The following GRIK1 variants were observed in gnomAD, a reference collection of about 807,000 sequenced individuals.
The protein encoded by GRIK1 is glutamate ionotropic receptor kainate type subunit 1.
Under a neutral mutation model 105.7 loss-of-function variants are expected in GRIK1, and 69 were observed. The ratio of observed to expected loss-of-function variants is 0.65; its 90% CI spans 0.54 to 0.80. GRIK1 has a LOEUF of 0.80. Ranked by LOEUF, GRIK1 falls within the 30% of genes least tolerant of loss-of-function variation. GRIK1 has a pLI of 0.00. For synonymous variants in GRIK1, 438 were observed against 431.3 expected, an observed-to-expected ratio of 1.02 and a Z score of -0.19; for missense variants, 1,109 against 1,167.3, an observed-to-expected ratio of 0.95 and a Z score of 0.73.
intron 1 of GRIK1, among the ~76,000 whole-genome samples, chr21:29,820,940 C>A (rs2067284552): frequency 6.6e-6 from 1 of 151,760 alleles, no homozygotes; most frequent in African/African-American, 2.4e-5. Context: ...ACCATAATTC[C>A]TAAGCCCACA....
At chr21:29,694,491 C>T (rs181223176) in intron 1 of GRIK1, among the ~76,000 whole-genome samples, 1 of 152,206 alleles carries the variant, frequency 6.6e-6, no homozygotes, top group African/African-American at 2.4e-5. Flanking sequence ...TAGAGCAGAT[C>T]CTAAATCCCG....
chr21:29,838,438 A>G (rs1311494667), intron 1 of GRIK1, among the ~76,000 whole-genome samples: 1 of 152,176 alleles, frequency 6.6e-6, no homozygotes, highest in East Asian at 1.9e-4. Flanking sequence ...AAGGTGAAAC[A>G]GTTATTAGTA....
At chr21:29,603,122 A>G (rs1299941214) in intron 7 of GRIK1, among the ~76,000 whole-genome samples, 4 of 152,144 alleles carry the variant, frequency 2.6e-5, no homozygotes, top group Non-Finnish European at 5.9e-5. Context: ...TATGTTAAGA[A>G]ATCAGCTTAA....
chr21:29,598,967 T>C, intron 7 of GRIK1, 30 bp from the exon 8 acceptor site: 1 of 958,180 alleles, frequency 1.0e-6, no homozygotes, highest in Non-Finnish European at 1.6e-6. Flanking sequence ...TGGCTGTTAT[T>C]GTTAAACATT....
At chr21:29,696,681 C>G (rs1294500048) in intron 1 of GRIK1, among the ~76,000 whole-genome samples, 1 of 152,136 alleles carries the variant, frequency 6.6e-6, no homozygotes, top group Non-Finnish European at 1.5e-5. Flanking sequence ...AGGGAGAGCC[C>G]GCATGTAGAG....
chr21:29,758,188 C>G (rs1302755467), intron 1 of GRIK1, among the ~76,000 whole-genome samples: 1 of 152,152 alleles, frequency 6.6e-6, no homozygotes, highest in African/African-American at 2.4e-5. Context: ...AAGAGGAAAA[C>G]AAACTAAGAT....
intron 14 of GRIK1, among the ~76,000 whole-genome samples, chr21:29,568,283 A>G (rs1601139486): frequency 6.6e-6 from 1 of 152,330 alleles, no homozygotes; most frequent in South Asian, 2.1e-4. Context: ...GTGCCTTCCT[A>G]TGCAGAGTAT....
At chr21:29,540,764 T>C (rs998782870) in intron 16 of GRIK1, among the ~76,000 whole-genome samples, 2 of 152,170 alleles carry the variant, frequency 1.3e-5, no homozygotes, top group Non-Finnish European at 2.9e-5. Flanking sequence ...TTTAAATTCC[T>C]AAATCCTACT....
intron 1 of GRIK1, among the ~76,000 whole-genome samples, chr21:29,718,515 G>A (rs78637769): frequency 0.038 from 5,822 of 152,288 alleles, 252 homozygotes; most frequent in East Asian, 0.1. Context: ...TTATGACATT[G>A]TTAATAATGG....
At chr21:29,560,278 G>GTTTT (rs200019884) in intron 15 of GRIK1, among the ~76,000 whole-genome samples, 1 of 124,500 alleles carries the variant, frequency 8.0e-6, no homozygotes, top group Non-Finnish European at 1.8e-5. Context: ...ATATGATACA[G>GTTTT]TTTTCTTTCT....
intron 1 of GRIK1, among the ~76,000 whole-genome samples, chr21:29,753,989 C>T (rs1601605698): frequency 1.3e-5 from 2 of 152,170 alleles, no homozygotes; most frequent in Non-Finnish European, 2.9e-5. Flanking sequence ...GGAGAAAAAT[C>T]CTTCAAAGTT....
At chr21:29,565,027 G>A (rs1049434428) in intron 14 of GRIK1, among the ~76,000 whole-genome samples, 16 of 152,264 alleles carry the variant, frequency 1.1e-4, no homozygotes, top group African/African-American at 3.6e-4. Context: ...ACCTCTCCCA[G>A]GGAGCTACAG....
chr21:29,732,937 C>T (rs780842300), intron 1 of GRIK1, among the ~76,000 whole-genome samples: 6 of 152,056 alleles, frequency 3.9e-5, no homozygotes, highest in Non-Finnish European at 8.8e-5. Flanking sequence ...AAAAATGCCA[C>T]GGAAAATGGT....
intron 1 of GRIK1, among the ~76,000 whole-genome samples, chr21:29,830,843 A>G (rs895833671): frequency 3.3e-5 from 5 of 152,162 alleles, no homozygotes; most frequent in Non-Finnish European, 7.3e-5. Context: ...AGAGATTCCA[A>G]TAAAGATGAA....
At chr21:29,772,548 C>T (rs1161503442) in intron 1 of GRIK1, among the ~76,000 whole-genome samples, 1 of 152,170 alleles carries the variant, frequency 6.6e-6, no homozygotes, top group Non-Finnish European at 1.5e-5. Context: ...TTTTATCTTT[C>T]ATATCCTTTT....
intron 1 of GRIK1, among the ~76,000 whole-genome samples, chr21:29,836,138 T>C (rs1318119072): frequency 6.6e-6 from 1 of 152,216 alleles, no homozygotes; most frequent in Non-Finnish European, 1.5e-5. Context: ...GTAAAGAGTA[T>C]AATTTCTTAG....
intron 1 of GRIK1, among the ~76,000 whole-genome samples, chr21:29,768,141 GGA>G (rs944435627): frequency 6.6e-6 from 1 of 152,130 alleles, no homozygotes; most frequent in Non-Finnish European, 1.5e-5. Flanking sequence ...TTTTTAGGCT[GGA>G]TGACCTCCTT....
intron 3 of GRIK1, among the ~76,000 whole-genome samples, chr21:29,677,632 T>C (rs1487735677): frequency 6.6e-6 from 1 of 152,286 alleles, no homozygotes; most frequent in East Asian, 1.9e-4. Flanking sequence ...AGATTTCCTA[T>C]GCCTTCCTTT....
intron 2 of GRIK1, among the ~76,000 whole-genome samples, chr21:29,691,213 A>C (rs1487182430): frequency 1.3e-5 from 2 of 152,190 alleles, no homozygotes; most frequent in Non-Finnish European, 2.9e-5. Flanking sequence ...TGGGTGGCTG[A>C]GGCACGAGAA....
Sources: allele counts gnomAD v4.1 joint callset (sites outside exome capture counted in the v4.1 genomes callset), GRCh38; gene constraint gnomAD v4.1.1; transcripts MANE v1.5; gene names NCBI Gene and HGNC (gene_info 2026-07-23, HGNC 2026-07-21).